Variants in CNTNAP4 observed in about 807,000 individuals in gnomAD.
CNTNAP4 encodes contactin-associated protein-like 4.
In CNTNAP4, 98 loss-of-function variants were observed where a neutral mutation model predicts 148.4. The observed-to-expected ratio is 0.66, with a 90% CI of 0.56 to 0.78. The LOEUF (loss-of-function observed/expected upper bound fraction) is 0.78. Among genes scored for constraint, CNTNAP4 ranks in the 30% least tolerant of loss-of-function variants. CNTNAP4 has a pLI of 0.00. For synonymous variants in CNTNAP4, 730 were observed against 565.1 expected, an observed-to-expected ratio of 1.29 and a Z score of -4.14; for missense variants, 1,935 against 1,565.6, an observed-to-expected ratio of 1.24 and a Z score of -3.98.
rs771963252 is a variant in CNTNAP4, at chr16:76,427,470, A to C, written c.409A>C (p.Asn137His). ...CTTTTAGGGTTTTTCAGGAAATGCA[A>C]ATGCAGACAGTGTTGTGTACTATAG... ...DSIWGFSGNA[N>H]ADSVVYYRLQ... The change falls in exon 4 of 24, where the codon AAT becomes CAT. Residue 137 changes from asparagine (N) to histidine (H), a missense_variant. Asn to His is a moderately conservative substitution (Grantham distance 68). Coordinates refer to ENST00000611870, the MANE Select transcript of CNTNAP4 (RefSeq NM_033401.5). 2.5e-6 allele frequency: 4 copies of C among 1,606,630 alleles called. No individual in the cohort carries two copies. The highest frequency in any genetic ancestry group is 3.4e-6 in the Non-Finnish European group (4 of 1,177,130).
At chr16:76,443,229 G>C (rs1335260100) in intron 4 of CNTNAP4, among the ~76,000 whole-genome samples, 1 of 151,978 alleles carries the variant, frequency 6.6e-6, no homozygotes, top group African/African-American at 2.4e-5. Context: ...CTTCCTTTCA[G>C]TTAAGCAAAA....
intron 23 of CNTNAP4, chr16:76,557,682 C>G (rs1401784418): frequency 6.6e-6 from 1 of 152,102 alleles, no homozygotes; most frequent in African/African-American, 2.4e-5. Context: ...TTAATTTGTG[C>G]TAAGTACCAG....
At chr16:76,372,781 A>G (rs2014989670) in intron 3 of CNTNAP4, among the ~76,000 whole-genome samples, 1 of 152,190 alleles carries the variant, frequency 6.6e-6, no homozygotes, top group South Asian at 2.1e-4. Flanking sequence ...ATGGACTAAT[A>G]CATTGGCCTG....
intron 1 of CNTNAP4, among the ~76,000 whole-genome samples, chr16:76,291,751 T>C (rs933611895): frequency 3.3e-5 from 5 of 152,226 alleles, no homozygotes; most frequent in Non-Finnish European, 5.9e-5. Context: ...CAATAATCTT[T>C]CTAGTAAGTT....
intron 2 of CNTNAP4, among the ~76,000 whole-genome samples, chr16:76,330,927 A>C (rs1253304754): frequency 6.6e-6 from 1 of 152,234 alleles, no homozygotes; most frequent in Non-Finnish European, 1.5e-5. Context: ...AAAAGCATCT[A>C]AATAGTGCTG....
chr16:76,500,637 T>TGC (rs1442565591), intron 15 of CNTNAP4, among the ~76,000 whole-genome samples: 2 of 138,562 alleles, frequency 1.4e-5, no homozygotes, highest in Non-Finnish European at 3.2e-5. Flanking sequence ...TGTGTGTGTG[T>TGC]GTGTGTCTGT....
chr16:76,331,690 A>T (rs1237871390), intron 2 of CNTNAP4, among the ~76,000 whole-genome samples: 1 of 152,190 alleles, frequency 6.6e-6, no homozygotes, highest in Non-Finnish European at 1.5e-5. Flanking sequence ...ATGCACTAAC[A>T]TAGACACATA....
intron 3 of CNTNAP4, among the ~76,000 whole-genome samples, chr16:76,372,673 T>C (rs2014979467): frequency 7.0e-6 from 1 of 143,146 alleles, no homozygotes; most frequent in Non-Finnish European, 1.5e-5. Context: ...TCTGCCATGA[T>C]TGTGAGGCCT....
At chr16:76,366,893 T>G (rs2014203129) in intron 3 of CNTNAP4, among the ~76,000 whole-genome samples, 1 of 152,092 alleles carries the variant, frequency 6.6e-6, no homozygotes, top group Non-Finnish European at 1.5e-5. Context: ...TGCTTTTGAG[T>G]AAAAGATAAT....
In CNTNAP4 at chr16:76,489,572, A is replaced by T. The variant is rs145468412; in HGVS notation, c.1883-114A>T. On this transcript the variant is annotated intron_variant, in intron 12 of 23. Transcript: ENST00000611870. Reference sequence around the variant, plus strand: ...TGATTCTACCTCTCAGGGAAGTTTGATGACTAGAAACATTTGACTCAGATA... The same window carrying T: ...TGATTCTACCTCTCAGGGAAGTTTGTTGACTAGAAACATTTGACTCAGATA... The T allele has an allele frequency of 7.8e-5, 41 of 525,304 alleles. No homozygotes were observed. The East Asian group carries it at 1.3e-3, about 16-fold the overall frequency. 32.5% of individuals were successfully genotyped at this position (525,304 alleles called of 1,614,324 possible). A position where few individuals can be genotyped will look rare whatever the true frequency, so the allele number is the denominator to read the frequency against.
chr16:76,425,884 A>G (rs1345470890), intron 3 of CNTNAP4, among the ~76,000 whole-genome samples: 1 of 152,148 alleles, frequency 6.6e-6, no homozygotes, highest in African/African-American at 2.4e-5. Flanking sequence ...GGGATGGCAT[A>G]GTTTAATTTA....
At chr16:76,422,770 A>G (rs2145010064) in intron 3 of CNTNAP4, among the ~76,000 whole-genome samples, 1 of 152,286 alleles carries the variant, frequency 6.6e-6, no homozygotes, top group Admixed American at 6.5e-5. Flanking sequence ...AGTTGATGCA[A>G]ATATTAAAGC....
intron 3 of CNTNAP4, among the ~76,000 whole-genome samples, chr16:76,356,961 A>G (rs905210664): frequency 6.6e-6 from 1 of 152,104 alleles, no homozygotes; most frequent in Non-Finnish European, 1.5e-5. Flanking sequence ...TGGGACTAGA[A>G]GAAGTTGCCT....
chr16:76,398,912 A>G (rs1184328875), intron 3 of CNTNAP4, among the ~76,000 whole-genome samples: 1 of 152,008 alleles, frequency 6.6e-6, no homozygotes, highest in African/African-American at 2.4e-5. Context: ...CTCACCTTGA[A>G]TTGTAATAAT....
At chr16:76,502,913 G>A (rs543588721) in intron 15 of CNTNAP4, among the ~76,000 whole-genome samples, 1 of 152,206 alleles carries the variant, frequency 6.6e-6, no homozygotes, top group African/African-American at 2.4e-5. Context: ...AGGAAAGAAG[G>A]TGAAGTTGTG....
At chr16:76,408,939 A>G (rs974428920) in intron 3 of CNTNAP4, among the ~76,000 whole-genome samples, 1 of 152,076 alleles carries the variant, frequency 6.6e-6, no homozygotes, top group East Asian at 1.9e-4. Flanking sequence ...TTCAGAGAAG[A>G]TGCTTATTCC....
At chr16:76,348,236 A>T (rs1272947686) in intron 2 of CNTNAP4, among the ~76,000 whole-genome samples, 2 of 150,716 alleles carry the variant, frequency 1.3e-5, no homozygotes, top group Non-Finnish European at 3.0e-5. Context: ...GATTACCATT[A>T]TATGGGGCTG....
intron 1 of CNTNAP4, among the ~76,000 whole-genome samples, chr16:76,283,916 C>G (rs1037593654): frequency 6.6e-6 from 1 of 151,972 alleles, no homozygotes; most frequent in South Asian, 2.1e-4. Context: ...CTCCTGAAAA[C>G]AGTAGGAAGA....
chr16:76,534,300 T>C (rs1201831391), intron 17 of CNTNAP4, among the ~76,000 whole-genome samples: 1 of 152,200 alleles, frequency 6.6e-6, no homozygotes, highest in East Asian at 1.9e-4. Flanking sequence ...TAGCCCTTGT[T>C]GAATGAAGGC....
Sources: allele counts gnomAD v4.1 joint callset (sites outside exome capture counted in the v4.1 genomes callset), GRCh38; gene constraint gnomAD v4.1.1; transcripts MANE v1.5; gene names NCBI Gene and HGNC (gene_info 2026-07-23, HGNC 2026-07-21).